Variants in KDM4C observed in about 807,000 individuals in gnomAD.
KDM4C encodes lysine demethylase 4C.
KDM4C carries 81 observed loss-of-function variants against 129.3 expected under a neutral mutation model. The observed-to-expected ratio is 0.63, with a 90% CI of 0.52 to 0.75. KDM4C has a LOEUF of 0.75. Ranked by LOEUF, KDM4C falls within the 30% of genes least tolerant of loss-of-function variation. KDM4C has a pLI of 0.00. For synonymous variants in KDM4C, 573 were observed against 456.1 expected, an observed-to-expected ratio of 1.26 and a Z score of -3.26; for missense variants, 1,457 against 1,304.0, an observed-to-expected ratio of 1.12 and a Z score of -1.81.
At chr9:6,969,790 A>C (rs1831635740) in intron 8 of KDM4C, among the ~76,000 whole-genome samples, 2 of 152,200 alleles carry the variant, frequency 1.3e-5, no homozygotes, top group South Asian at 4.1e-4. Flanking sequence ...TTAGAGATTA[A>C]TATTAAGTGC....
chr9:7,067,768 A>G (rs7020696), intron 17 of KDM4C, among the ~76,000 whole-genome samples: 88,623 of 151,962 alleles, frequency 0.58, 26,566 homozygotes, highest in Non-Finnish European at 0.65. Flanking sequence ...TCACAGAAGT[A>G]ATCATTGTTA....
chr9:6,803,145 G>A (rs761806232), intron 2 of KDM4C, among the ~76,000 whole-genome samples: 5 of 152,166 alleles, frequency 3.3e-5, no homozygotes, highest in South Asian at 2.1e-4. Flanking sequence ...GGCCTGTATC[G>A]TGCCAGCAAT....
intron 12 of KDM4C, among the ~76,000 whole-genome samples, chr9:7,002,194 C>A (rs754344313): frequency 6.6e-6 from 1 of 152,128 alleles, no homozygotes; most frequent in Admixed American, 6.5e-5. Flanking sequence ...CACTTGCCTC[C>A]CATGGGTAGT....
intron 19 of KDM4C, among the ~76,000 whole-genome samples, chr9:7,154,148 G>C (rs911690470): frequency 2.0e-5 from 3 of 152,196 alleles, no homozygotes; most frequent in Non-Finnish European, 2.9e-5. Flanking sequence ...CATTAGACTG[G>C]GGAGAAGGGG....
intron 2 of KDM4C, among the ~76,000 whole-genome samples, chr9:6,804,321 A>C (rs971007967): frequency 6.6e-6 from 1 of 152,200 alleles, no homozygotes; most frequent in East Asian, 1.9e-4. Flanking sequence ...TGGTAGGTTC[A>C]GATTGGCCAT....
intron 12 of KDM4C, among the ~76,000 whole-genome samples, 159 bp from the exon 13 acceptor site, chr9:7,011,539 C>T (rs999677675): frequency 1.3e-5 from 2 of 152,140 alleles, no homozygotes; most frequent in Non-Finnish European, 2.9e-5. Flanking sequence ...GGCAACTTCC[C>T]TTATCCTGGC....
At chr9:6,790,154 T>G (rs1042559867) in intron 1 of KDM4C, among the ~76,000 whole-genome samples, 20 of 149,194 alleles carry the variant, frequency 1.3e-4, no homozygotes, top group African/African-American at 4.9e-4. Flanking sequence ...TCCGCTCGCC[T>G]TGGCCTCCTG....
intron 12 of KDM4C, among the ~76,000 whole-genome samples, chr9:7,010,342 G>T (rs990553271): frequency 2.0e-4 from 30 of 151,574 alleles, no homozygotes; most frequent in Admixed American, 1.3e-4. Flanking sequence ...TGATTATTAT[G>T]ATAATAATGC....
intron 19 of KDM4C, among the ~76,000 whole-genome samples, chr9:7,133,354 G>A (rs112141265): frequency 3.4e-4 from 52 of 152,256 alleles, no homozygotes; most frequent in African/African-American, 1.2e-3. Flanking sequence ...AGATTTTGCT[G>A]GGTCCATTTA....
chr9:7,094,834 A>G (rs1357279447), intron 17 of KDM4C, among the ~76,000 whole-genome samples: 1 of 152,222 alleles, frequency 6.6e-6, no homozygotes, highest in African/African-American at 2.4e-5. Context: ...TGCTAGCATA[A>G]TTGAAAGACA....
intron 15 of KDM4C, among the ~76,000 whole-genome samples, chr9:7,045,966 A>C (rs1409563059): frequency 6.6e-6 from 1 of 152,062 alleles, no homozygotes; most frequent in Non-Finnish European, 1.5e-5. Flanking sequence ...GACAGGGTAA[A>C]GAGGTTTCGT....
chr9:7,099,450 C>T (rs1836827084), intron 17 of KDM4C, among the ~76,000 whole-genome samples: 1 of 152,208 alleles, frequency 6.6e-6, no homozygotes, highest in Admixed American at 6.5e-5. Context: ...TATGGAAATC[C>T]AGTCCCCCAA....
chr9:7,034,178 T>C (rs1433292772), intron 15 of KDM4C, among the ~76,000 whole-genome samples: 1 of 152,196 alleles, frequency 6.6e-6, no homozygotes, highest in East Asian at 1.9e-4. Flanking sequence ...AACATATCCG[T>C]CATCTCAAAC....
intron 8 of KDM4C, among the ~76,000 whole-genome samples, chr9:6,959,484 A>G (rs1410500508): frequency 6.6e-6 from 1 of 152,090 alleles, no homozygotes; most frequent in Non-Finnish European, 1.5e-5. Flanking sequence ...GCTTGTCGTT[A>G]TCTTAGCATA....
chr9:7,038,825 C>G (rs890449730), intron 15 of KDM4C, among the ~76,000 whole-genome samples: 1 of 151,944 alleles, frequency 6.6e-6, no homozygotes, highest in Non-Finnish European at 1.5e-5. Flanking sequence ...GGTTAGATCT[C>G]ATTCTTTTCC....
chr9:6,793,237 A>T, intron 2 of KDM4C, 105 bp downstream of exon 2: 1 of 1,180,094 alleles, frequency 8.5e-7, no homozygotes, highest in Non-Finnish European at 1.2e-6. Flanking sequence ...AGAAATTTGC[A>T]AAATCTTTGT....
chr9:6,986,384 A>C lies in KDM4C; in HGVS notation c.1395A>C (p.Lys465Asn). 1 of 1,613,616 alleles carries C rather than the reference A, an allele frequency of 6.2e-7. No homozygotes were observed. Among genetic ancestry groups the C allele is most frequent in the Non-Finnish European group, 8.5e-7 (1 of 1,179,630 alleles). ...GTACATCTGTAACAGAAGACATAAA[A>C]ACTGAGGATGACAAAGCTTATGCAT... ...CLSTSVTEDI[K>N]TEDDKAYAYR... Residue 465 changes from lysine to asparagine, a missense_variant, in exon 11 of 22, where the codon AAA becomes AAC. By Grantham distance (94) the Lys-to-Asn change is moderately conservative (BLOSUM62 0). Coordinates refer to ENST00000381309, the MANE Select transcript of KDM4C (RefSeq NM_015061.6).
At chr9:6,762,772 C>T (rs559986865) in intron 1 of KDM4C, among the ~76,000 whole-genome samples, 200 of 151,598 alleles carry the variant, frequency 1.3e-3, no homozygotes, top group African/African-American at 4.3e-3. Context: ...GATTCTCCTG[C>T]CTTAGCCTCC....
chr9:7,058,303 T>G (rs1461292011), intron 17 of KDM4C, among the ~76,000 whole-genome samples: 1 of 152,142 alleles, frequency 6.6e-6, no homozygotes, highest in Non-Finnish European at 1.5e-5. Flanking sequence ...AGGCATTGAA[T>G]TTTAGACTAA....
Sources: allele counts gnomAD v4.1 joint callset (sites outside exome capture counted in the v4.1 genomes callset), GRCh38; gene constraint gnomAD v4.1.1; transcripts MANE v1.5; gene names NCBI Gene and HGNC (gene_info 2026-07-23, HGNC 2026-07-21).